MARCHF1: variants seen among roughly 807,000 people sequenced by gnomAD.
MARCHF1 encodes membrane associated ring-CH-type finger 1.
Under a neutral mutation model 54.2 loss-of-function variants are expected in MARCHF1, and 40 were observed. The ratio of observed to expected loss-of-function variants is 0.74; its 90% CI spans 0.57 to 0.96. The LOEUF is 0.96. Ranked by LOEUF, MARCHF1 falls within the 40% of genes least tolerant of loss-of-function variation. The pLI is 0.00. For missense variants in MARCHF1, 586 were observed against 656.5 expected (o/e 0.89, Z 1.17); for synonymous variants, 236 against 236.3 (o/e 1.00, Z 0.01).
At chr4:164,245,383 C>T (rs1237441771) in intron 1 of MARCHF1, among the ~76,000 whole-genome samples, 4 of 152,164 alleles carry the variant, frequency 2.6e-5, no homozygotes, top group Admixed American at 1.3e-4. Context: ...GAAAAGGCCT[C>T]TGACAAAATT....
At chr4:164,072,704 T>TAAA (rs3029712) in intron 2 of MARCHF1, among the ~76,000 whole-genome samples, 1 of 136,378 alleles carries the variant, frequency 7.3e-6, no homozygotes. Flanking sequence ...TTTTCTCTAG[T>TAAA]AAAAAAAAAA....
chr4:163,992,456 T>C lies in MARCHF1; in HGVS notation c.-247-3747A>G, dbSNP rs1752985507. On this transcript the variant is annotated intron_variant, in intron 2 of 9. Coordinates refer to ENST00000514618, the MANE Select transcript of MARCHF1 (RefSeq NM_001394959.1). ...AGAAGCTTTGAGCAACAATAAATAA[T>C]ATTAGATCTAAATACATAAAGAAAG... Among the ~76,000 whole-genome samples, 4 of 151,952 alleles carry C rather than the reference T, an allele frequency of 2.6e-5. No homozygotes were observed. In the South Asian group the frequency reaches 8.3e-4, roughly 32 times the overall value.
intron 4 of MARCHF1, among the ~76,000 whole-genome samples, chr4:163,801,639 C>T (rs909761247): frequency 6.6e-6 from 1 of 152,076 alleles, no homozygotes; most frequent in Non-Finnish European, 1.5e-5. Context: ...TTAAAATATG[C>T]ACCATCTTCC....
At chr4:163,858,947 G>C (rs1749844473) in intron 3 of MARCHF1, among the ~76,000 whole-genome samples, 1 of 152,036 alleles carries the variant, frequency 6.6e-6, no homozygotes, top group African/African-American at 2.4e-5. Context: ...GTGTCCTGGG[G>C]GTCTTTTTAA....
chr4:164,227,723 A>G (rs116543385), intron 1 of MARCHF1, among the ~76,000 whole-genome samples: 2 of 151,540 alleles, frequency 1.3e-5, no homozygotes, highest in African/African-American at 4.8e-5. Flanking sequence ...TTGTTAATTT[A>G]AAAAAAAACT....
chr4:163,554,428 TG>T (rs1305115903), intron 8 of MARCHF1, among the ~76,000 whole-genome samples: 1 of 152,006 alleles, frequency 6.6e-6, no homozygotes, highest in East Asian at 1.9e-4. Context: ...CAGAGAGAGC[TG>T]GGGTAGGAGC....
intron 3 of MARCHF1, among the ~76,000 whole-genome samples, chr4:163,882,852 C>T (rs1579363177): frequency 6.6e-6 from 1 of 152,192 alleles, no homozygotes; most frequent in East Asian, 1.9e-4. Flanking sequence ...TGGTGCATGT[C>T]TGTAGTCCCA....
intron 1 of MARCHF1, chr4:164,196,997 C>G (rs1454652697): frequency 3.1e-6 from 5 of 1,604,574 alleles, no homozygotes; most frequent in Non-Finnish European, 4.3e-6. Flanking sequence ...TCTCCCTCAT[C>G]TTCAGGTTCT....
At chr4:163,637,331 T>G (rs902881350) in intron 5 of MARCHF1, among the ~76,000 whole-genome samples, 4 of 151,904 alleles carry the variant, frequency 2.6e-5, no homozygotes, top group Non-Finnish European at 4.4e-5. Context: ...GGGAGAAAAT[T>G]TTTGCAACCT....
At chr4:163,707,295 G>T (rs1744976988) in intron 4 of MARCHF1, among the ~76,000 whole-genome samples, 2 of 151,918 alleles carry the variant, frequency 1.3e-5, no homozygotes, top group Non-Finnish European at 2.9e-5. Flanking sequence ...AGTAAACAAT[G>T]AAACACAAAA....
chr4:163,994,359 T>A (rs1007471831), intron 2 of MARCHF1, among the ~76,000 whole-genome samples: 1 of 151,038 alleles, frequency 6.6e-6, no homozygotes, highest in African/African-American at 2.4e-5. Context: ...TCCCCTTCCA[T>A]ATTCTGAAAC....
intron 5 of MARCHF1, among the ~76,000 whole-genome samples, chr4:163,658,745 AC>A (rs1228524187): frequency 1.3e-5 from 2 of 152,006 alleles, no homozygotes. Flanking sequence ...AATAATGAGA[AC>A]TGATGGACAC....
chr4:163,863,382 G>A (rs1293094336), intron 3 of MARCHF1, among the ~76,000 whole-genome samples: 1 of 152,166 alleles, frequency 6.6e-6, no homozygotes, highest in African/African-American at 2.4e-5. Context: ...GTCCCCTATG[G>A]AGGTATGACT....
rs905114164 is a variant in MARCHF1 at position 164,112,049 on chromosome 4, A to G, written c.-322-387T>C. On this transcript the variant is annotated intron_variant, in intron 1 of 9. Coordinates refer to ENST00000514618, the MANE Select transcript of MARCHF1 (RefSeq NM_001394959.1). Reference sequence around the variant, plus strand: ...ACAGAGGCAAAATTTTAAAAGTCAAACTAGAATATCTGGTTTCAATTTGAT... The same window carrying G: ...ACAGAGGCAAAATTTTAAAAGTCAAGCTAGAATATCTGGTTTCAATTTGAT... Among the ~76,000 whole-genome samples, 6 of 151,854 alleles carry G rather than the reference A, an allele frequency of 4.0e-5. No individual in the cohort carries two copies. In the East Asian group the frequency reaches 1.2e-3, roughly 29 times the overall value.
chr4:164,197,553 G>A, intron 1 of MARCHF1: 1 of 1,613,278 alleles, frequency 6.2e-7, no homozygotes, highest in Non-Finnish European at 8.5e-7. Context: ...TTGAGGTGAG[G>A]CCTCCGTTGA....
intron 4 of MARCHF1, among the ~76,000 whole-genome samples, chr4:163,735,094 C>T (rs568701330): frequency 4.6e-5 from 7 of 152,212 alleles, no homozygotes; most frequent in South Asian, 2.1e-4. Flanking sequence ...ACCTTCCCTA[C>T]GGATATTTAC....
intron 4 of MARCHF1, among the ~76,000 whole-genome samples, chr4:163,801,790 A>G (rs984906845): frequency 6.6e-6 from 1 of 152,120 alleles, no homozygotes; most frequent in Non-Finnish European, 1.5e-5. Flanking sequence ...CACTTTGTGT[A>G]TCTGGCTTGT....
chr4:163,690,317 T>G (rs1744408285), intron 5 of MARCHF1, among the ~76,000 whole-genome samples: 1 of 152,152 alleles, frequency 6.6e-6, no homozygotes, highest in Non-Finnish European at 1.5e-5. Flanking sequence ...GTCAATAGAA[T>G]GCAAGCTTAT....
chr4:163,792,991 T>C (rs1315471287), intron 4 of MARCHF1, among the ~76,000 whole-genome samples: 1 of 152,212 alleles, frequency 6.6e-6, no homozygotes, highest in Admixed American at 6.5e-5. Flanking sequence ...CGAATCTTCC[T>C]TTCCAGAGTC....
Sources: gnomAD v4.1 joint callset for allele counts (sites outside exome capture counted in the v4.1 genomes callset) on GRCh38, gnomAD v4.1.1 for gene constraint, MANE v1.5 for transcripts, NCBI Gene and HGNC (gene_info 2026-07-23, HGNC 2026-07-21) for gene names.